LAMA2: variants seen among roughly 807,000 people sequenced by gnomAD.
LAMA2 encodes the protein laminin subunit alpha-2.
Under a neutral mutation model 364.8 loss-of-function variants are expected in LAMA2, and 269 were observed. The ratio of observed to expected loss-of-function variants is 0.74; its 90% CI spans 0.67 to 0.82. LAMA2 has a LOEUF of 0.82. LAMA2 is among the 40% of genes least tolerant of loss of function. LAMA2 has a pLI of 0.00. For synonymous variants in LAMA2, 1,379 were observed against 1,370.6 expected, an observed-to-expected ratio of 1.01 and a Z score of -0.14; for missense variants, 3,807 against 3,873.2, an observed-to-expected ratio of 0.98 and a Z score of 0.45.
intron 58 of LAMA2, among the ~76,000 whole-genome samples, chr6:129,496,488 T>C (rs1785204132): frequency 6.6e-6 from 1 of 152,150 alleles, no homozygotes; most frequent in Non-Finnish European, 1.5e-5. Flanking sequence ...TTTTGCACAT[T>C]ATAATTAGTT....
Position 129,260,792 on chromosome 6 carries a change from C to A in LAMA2, c.2178C>A (p.Cys726Ter). ...SIAAAVEVCQ[C>*]PPGYTGSSCE... is the part of the protein sequence containing the mutation. The stretch of plus-strand genomic sequence containing the variant: ...CAGCAGCTGTAGAAGTGTGTCAGTG[C>A]CCACCAGGGTATACTGGCTCCTCTT... Residue 726 changes from cysteine to a stop codon, truncating the protein, a stop_gained, in exon 15 of 65, where the codon TGC (cysteine) becomes TGA (stop). Transcript: ENST00000421865. LOFTEE classifies it high-confidence loss of function. 6.2e-7 allele frequency: 1 copy of A among 1,609,180 alleles called. No homozygotes were observed. Among genetic ancestry groups the A allele is most frequent in the Non-Finnish European group, 8.5e-7 (1 of 1,175,678 alleles).
chr6:129,087,621 C>T (rs1774457005), intron 3 of LAMA2, among the ~76,000 whole-genome samples: 1 of 151,934 alleles, frequency 6.6e-6, no homozygotes, highest in African/African-American at 2.4e-5. Flanking sequence ...AGGAGAAGAA[C>T]AACATAATCA....
chr6:129,193,036 G>A (rs1202068301), intron 12 of LAMA2, among the ~76,000 whole-genome samples, 183 bp downstream of exon 12: 3 of 152,140 alleles, frequency 2.0e-5, no homozygotes, highest in East Asian at 1.9e-4. Context: ...AAAGAGCCAC[G>A]GCATCCTTAA....
chr6:129,250,168 G>C lies in LAMA2; in HGVS notation c.1839G>C (p.Glu613Asp). Residue 613 changes from glutamate (E) to aspartate (D), a missense_variant, in exon 13 of 65, where the codon GAG becomes GAC. Glu to Asp is a conservative substitution (Grantham distance 45). Coordinates refer to ENST00000421865, the MANE Select transcript of LAMA2 (RefSeq NM_000426.4). ...TFTISYDLEE[E>D]EEDTERVLQL... Reference sequence around the variant, plus strand: ...CCATATCATATGACCTTGAAGAAGAGGAAGAAGATACAGAACGTGTTCTCC... The same window carrying C: ...CCATATCATATGACCTTGAAGAAGACGAAGAAGATACAGAACGTGTTCTCC... 6.2e-7 allele frequency: 1 copy of C among 1,610,130 alleles called. No individual in the cohort carries two copies. The highest frequency in any genetic ancestry group is 8.5e-7 in the Non-Finnish European group (1 of 1,176,674).
chr6:128,943,691 C>A (rs1780319119), intron 1 of LAMA2, among the ~76,000 whole-genome samples: 1 of 152,050 alleles, frequency 6.6e-6, no homozygotes, highest in Non-Finnish European at 1.5e-5. Context: ...GAAATAATAT[C>A]AAAAAGAAAT....
At chr6:129,414,645 C>T (rs886779181) in intron 40 of LAMA2, among the ~76,000 whole-genome samples, 1 of 152,020 alleles carries the variant, frequency 6.6e-6, no homozygotes, top group African/African-American at 2.4e-5. Flanking sequence ...GAAAATAGGT[C>T]TAAAATGGGT....
At chr6:129,315,228 A>T (rs1774505127) in intron 24 of LAMA2, among the ~76,000 whole-genome samples, 1 of 152,118 alleles carries the variant, frequency 6.6e-6, no homozygotes, top group Non-Finnish European at 1.5e-5. Flanking sequence ...CTCTTTCTAC[A>T]TTTAGATTCA....
At chr6:129,301,074 G>A (rs548901480) in intron 22 of LAMA2, among the ~76,000 whole-genome samples, 110 of 152,166 alleles carry the variant, frequency 7.2e-4, no homozygotes, top group African/African-American at 2.5e-3. Flanking sequence ...TTATGCAGCT[G>A]AACACTTGAA....
intron 20 of LAMA2, among the ~76,000 whole-genome samples, chr6:129,292,102 T>C (rs1789742190): frequency 6.6e-6 from 1 of 152,182 alleles, no homozygotes; most frequent in Admixed American, 6.5e-5. Context: ...ATCCCAGCAC[T>C]TTGGGAGGCC....
intron 29 of LAMA2, among the ~76,000 whole-genome samples, chr6:129,335,355 G>GATA (rs1447739019): frequency 2.2e-5 from 3 of 137,172 alleles, no homozygotes; most frequent in African/African-American, 8.0e-5. Context: ...GTAGTAAGTA[G>GATA]GTAGATAGAT....
chr6:129,212,158 G>A (rs1461037650), intron 12 of LAMA2, among the ~76,000 whole-genome samples: 1 of 152,172 alleles, frequency 6.6e-6, no homozygotes, highest in African/African-American at 2.4e-5. Flanking sequence ...GGGGAGGACC[G>A]AAATAGTATG....
intron 30 of LAMA2, among the ~76,000 whole-genome samples, chr6:129,342,737 T>G (rs994977336): frequency 4.6e-5 from 7 of 152,088 alleles, no homozygotes; most frequent in African/African-American, 1.7e-4. Flanking sequence ...AAACAAATGA[T>G]ATATATATAC....
At chr6:128,949,051 G>A (rs1279026597) in intron 1 of LAMA2, among the ~76,000 whole-genome samples, 1 of 152,120 alleles carries the variant, frequency 6.6e-6, no homozygotes, top group Non-Finnish European at 1.5e-5. Flanking sequence ...GATAAATATG[G>A]TATGAATATT....
At chr6:129,070,531 CTT>C (rs1320330267) in intron 3 of LAMA2, among the ~76,000 whole-genome samples, 1 of 150,142 alleles carries the variant, frequency 6.7e-6, no homozygotes, top group Non-Finnish European at 1.5e-5. Context: ...CATTGAAACT[CTT>C]TTGTAACAGC....
intron 64 of LAMA2, among the ~76,000 whole-genome samples, chr6:129,515,817 C>T (rs1787011883): frequency 6.6e-6 from 1 of 152,132 alleles, no homozygotes; most frequent in African/African-American, 2.4e-5. Context: ...GTGGCTCATG[C>T]CTGTAATCCC....
At chr6:129,410,630 T>C (rs1780485485) in intron 40 of LAMA2, among the ~76,000 whole-genome samples, 1 of 152,204 alleles carries the variant, frequency 6.6e-6, no homozygotes, top group African/African-American at 2.4e-5. Context: ...GATAGATAGA[T>C]ACATTGATTG....
intron 12 of LAMA2, among the ~76,000 whole-genome samples, chr6:129,238,313 C>A (rs1785144031): frequency 6.6e-6 from 1 of 152,154 alleles, no homozygotes; most frequent in Non-Finnish European, 1.5e-5. Context: ...TAAATTCTAT[C>A]TGCCTGTTAC....
rs147947917 is a variant in LAMA2, at chr6:128,987,651, T to C, written c.113-62267T>C. Among the ~76,000 whole-genome samples, 378 of 152,216 alleles carry C rather than the reference T, an allele frequency of 2.5e-3. 2 individuals carry two copies. Among genetic ancestry groups the C allele is most frequent in the African/African-American group, 8.9e-3 (368 of 41,538 alleles). On this transcript the variant is annotated intron_variant, in intron 1 of 64. Transcript: ENST00000421865. ...TTGTGGGGATATGTCTGGTAGTTGA[T>C]TGGGGCAGAGAAAATGAGAAAAACT...
rs373649989 is a variant in LAMA2, at chr6:129,192,654, A to G, written c.1609-26A>G. ...AGCTGATAGATATTTTTTAAAAATT[A>G]ATGATGACTGTGTGTTTTCTCTAAG... On this transcript the variant is annotated intron_variant, in intron 11 of 64. Transcript: ENST00000421865. The G allele has an allele frequency of 1.9e-6, 3 of 1,606,138 alleles. No homozygotes were observed. In the African/African-American group the frequency reaches 4.0e-5, roughly 21 times the overall value.
Sources: allele counts gnomAD v4.1 joint callset (sites outside exome capture counted in the v4.1 genomes callset), GRCh38; gene constraint gnomAD v4.1.1; transcripts MANE v1.5; gene names NCBI Gene and HGNC (gene_info 2026-07-23, HGNC 2026-07-21).